KLHL32: variants seen among roughly 807,000 people sequenced by gnomAD.
The protein encoded by KLHL32 is kelch like family member 32.
A neutral mutation model predicts 64.8 loss-of-function variants in KLHL32; 35 were observed. The ratio of observed to expected loss-of-function variants is 0.54; its 90% CI spans 0.41 to 0.72. The LOEUF is 0.72. Among genes scored for constraint, KLHL32 ranks in the 30% least tolerant of loss-of-function variants. The probability of loss-of-function intolerance (pLI) is 0.00; values close to 1 mark genes in which losing one functional copy is unlikely to be tolerated. For synonymous variants in KLHL32, 259 were observed against 281.0 expected (o/e 0.92, Z 0.78); for missense variants, 589 against 768.5 (o/e 0.77, Z 2.76).
chr6:97,080,264 G>A (rs1188531792), intron 5 of KLHL32, among the ~76,000 whole-genome samples: 3 of 152,180 alleles, frequency 2.0e-5, no homozygotes, highest in Admixed American at 1.3e-4. Context: ...AAGAGAAAGG[G>A]ACAATCAGGA....
chr6:96,944,489 A>G (rs1562180092), intron 1 of KLHL32, among the ~76,000 whole-genome samples: 1 of 152,224 alleles, frequency 6.6e-6, no homozygotes, highest in Admixed American at 6.5e-5. Context: ...TTAATAACTT[A>G]ATATTCTACT....
chr6:97,072,194 C>G (rs1283602554), intron 5 of KLHL32, among the ~76,000 whole-genome samples: 1 of 152,146 alleles, frequency 6.6e-6, no homozygotes, highest in Non-Finnish European at 1.5e-5. Flanking sequence ...CCTTTCAGCC[C>G]CACCCCCTTA....
chr6:96,995,152 A>G (rs1778279469), intron 3 of KLHL32, among the ~76,000 whole-genome samples: 1 of 152,230 alleles, frequency 6.6e-6, no homozygotes, highest in Non-Finnish European at 1.5e-5. Context: ...GATATGGTAT[A>G]TAAAGCTCCA....
chr6:97,066,943 A>G (rs1045550327), intron 5 of KLHL32, among the ~76,000 whole-genome samples: 6 of 152,344 alleles, frequency 3.9e-5, no homozygotes, highest in East Asian at 3.9e-4. Context: ...TGCCCCTTCA[A>G]TCAATGCTGA....
rs760140931 is a variant in KLHL32, at chr6:96,967,033, C to A, written c.-28C>A. 2 of 1,611,376 alleles carry A rather than the reference C, an allele frequency of 1.2e-6. No homozygotes were observed. Among genetic ancestry groups the A allele is most frequent in the East Asian group, 2.2e-5 (1 of 44,856 alleles). Reference sequence around the variant, plus strand: ...CTGATTCCTCTGCACACTTCTAAGGCTGAGAACCTGAGGAACCCAGCTGGA... The same window carrying A: ...CTGATTCCTCTGCACACTTCTAAGGATGAGAACCTGAGGAACCCAGCTGGA... On this transcript the variant is annotated 5_prime_UTR_variant, in exon 2 of 11. In the 5' UTR this introduces an upstream ATG that the reference lacks. Coordinates refer to ENST00000369261, the MANE Select transcript of KLHL32 (RefSeq NM_052904.4).
intron 5 of KLHL32, among the ~76,000 whole-genome samples, chr6:97,065,985 ATT>A (rs5878459): frequency 6.6e-6 from 1 of 151,442 alleles, no homozygotes. Context: ...ATGGTTAATG[ATT>A]TTTTTTTACC....
At chr6:96,984,426 G>A (rs1776740502) in intron 3 of KLHL32, among the ~76,000 whole-genome samples, 1 of 152,134 alleles carries the variant, frequency 6.6e-6, no homozygotes, top group Non-Finnish European at 1.5e-5. Flanking sequence ...TTCAATTCCT[G>A]GATATCCTTG....
At chr6:97,072,157 T>A (rs1790845426) in intron 5 of KLHL32, among the ~76,000 whole-genome samples, 1 of 152,174 alleles carries the variant, frequency 6.6e-6, no homozygotes, top group Non-Finnish European at 1.5e-5. Flanking sequence ...CCCATCTCCT[T>A]GAGCCCCACA....
intron 2 of KLHL32, among the ~76,000 whole-genome samples, chr6:96,969,013 C>T (rs1774816114): frequency 6.6e-6 from 1 of 152,142 alleles, no homozygotes; most frequent in Non-Finnish European, 1.5e-5. Flanking sequence ...TTATCTCTCT[C>T]CTCTTCCTAA....
At chr6:96,951,619 G>A (rs1293112589) in intron 1 of KLHL32, among the ~76,000 whole-genome samples, 3 of 152,022 alleles carry the variant, frequency 2.0e-5, no homozygotes, top group Non-Finnish European at 4.4e-5. Flanking sequence ...TATTAATATT[G>A]AGCAATATGC....
At chr6:96,924,526 T>G (rs1168197118), upstream of KLHL32, 7 of 138,868 alleles carry the variant, frequency 5.0e-5, no homozygotes, top group Non-Finnish European at 6.2e-5. Context: ...GCGGTGGCGT[T>G]GCGCGCGGGG....
chr6:97,068,994 G>A (rs1239237799), intron 5 of KLHL32, among the ~76,000 whole-genome samples: 4 of 152,204 alleles, frequency 2.6e-5, no homozygotes, highest in African/African-American at 9.7e-5. Context: ...AGGGCGATAG[G>A]TAGAGCATTT....
chr6:97,015,535 C>G (rs9398289), intron 3 of KLHL32, among the ~76,000 whole-genome samples: 11,678 of 152,204 alleles, frequency 0.077, 479 homozygotes, highest in South Asian at 0.15. Context: ...TTTGCCCCTG[C>G]CCTAGAGACC....
chr6:96,978,213 G>GT, intron 3 of KLHL32, among the ~76,000 whole-genome samples: 1 of 151,898 alleles, frequency 6.6e-6, no homozygotes, highest in Non-Finnish European at 1.5e-5. Flanking sequence ...GTTTCATGAG[G>GT]GTTTGGTGTA....
chr6:97,034,211 G>T (rs1320448637), intron 3 of KLHL32, among the ~76,000 whole-genome samples: 1 of 152,038 alleles, frequency 6.6e-6, no homozygotes, highest in Non-Finnish European at 1.5e-5. Context: ...GTGAGATAAG[G>T]GTTCAATTCT....
chr6:97,066,532 G>A (rs984354449), intron 5 of KLHL32, among the ~76,000 whole-genome samples: 1 of 152,164 alleles, frequency 6.6e-6, no homozygotes, highest in East Asian at 1.9e-4. Flanking sequence ...TTCTTGAATA[G>A]TGGTTGAAAT....
At position 96,979,951 on chromosome 6, in the gene KLHL32, G is replaced by T. The variant is rs1481438033; in HGVS notation, c.204+3774G>T. Among the ~76,000 whole-genome samples, 4 of 151,998 alleles carry T rather than the reference G, an allele frequency of 2.6e-5. No individual in the cohort carries two copies. The East Asian group carries it at 7.7e-4, about 29-fold the overall frequency. ...TGAATGAAATTGCAATCTTGATTTG[G>T]CTCTCAGCTTGGATGTTGTTGGTGT... On this transcript the variant is annotated intron_variant, in intron 3 of 10. Coordinates refer to ENST00000369261, the MANE Select transcript of KLHL32 (RefSeq NM_052904.4).
Position 97,130,960 on chromosome 6 carries a change from T to C in KLHL32, c.1606+11T>C. The C allele has an allele frequency of 1.2e-6, 2 of 1,603,390 alleles. No individual in the cohort carries two copies. On this transcript the variant is annotated intron_variant, in intron 9 of 10. Transcript: ENST00000369261. Reference sequence around the variant, plus strand: ...TCAACCTGCTGACTGGCAAGTACCTTTGATTAAGTAAATCAGGAAAAGTAG... The same window carrying C: ...TCAACCTGCTGACTGGCAAGTACCTCTGATTAAGTAAATCAGGAAAAGTAG...
chr6:97,079,856 C>A (rs920490367), intron 5 of KLHL32, among the ~76,000 whole-genome samples: 3 of 151,766 alleles, frequency 2.0e-5, no homozygotes, highest in Non-Finnish European at 4.4e-5. Flanking sequence ...AGAAATGAAA[C>A]CTTTTTAGAA....
Sources: allele counts gnomAD v4.1 joint callset (sites outside exome capture counted in the v4.1 genomes callset), GRCh38; gene constraint gnomAD v4.1.1; transcripts MANE v1.5; gene names NCBI Gene and HGNC (gene_info 2026-07-23, HGNC 2026-07-21).